Variants in MTCL1 observed in about 807,000 individuals in gnomAD.
MTCL1 encodes the protein microtubule cross-linking factor 1.
MTCL1 carries 79 observed loss-of-function variants against 141.4 expected under a neutral mutation model. The ratio of observed to expected loss-of-function variants is 0.56; its 90% CI spans 0.47 to 0.67. The LOEUF is 0.67. MTCL1 is among the 30% of genes least tolerant of loss of function. The probability of loss-of-function intolerance (pLI) is 0.00; values close to 1 mark genes in which losing one functional copy is unlikely to be tolerated. For synonymous variants in MTCL1, 914 were observed against 875.8 expected (o/e 1.04, Z -0.77); for missense variants, 2,177 against 2,113.9 (o/e 1.03, Z -0.59).
chr18:8,788,730 C>T (rs2075611341), intron 7 of MTCL1, among the ~76,000 whole-genome samples: 1 of 152,216 alleles, frequency 6.6e-6, no homozygotes, highest in Admixed American at 6.5e-5. Context: ...AAAGGGGCGG[C>T]CTCTCCAAGG....
intron 4 of MTCL1, among the ~76,000 whole-genome samples, chr18:8,724,824 T>A (rs12605757): frequency 0.41 from 61,694 of 151,680 alleles, 13,444 homozygotes; most frequent in Admixed American, 0.53. Flanking sequence ...CTCTATTGAT[T>A]AAAAAAAGGG....
At chr18:8,825,303 C>T (rs2076985685) in exon 15 of MTCL1, 14 of 1,541,552 alleles carry the variant, frequency 9.1e-6, no homozygotes, top group Admixed American at 4.0e-5. Context: ...CTGTACCTCC[C>T]TGGGGTTTGC....
chr18:8,767,136 A>T (rs2096463400), intron 4 of MTCL1, among the ~76,000 whole-genome samples: 2 of 152,150 alleles, frequency 1.3e-5, no homozygotes, highest in African/African-American at 2.4e-5. Context: ...GAATCATGAG[A>T]TCATGGAGCA....
intron 4 of MTCL1, among the ~76,000 whole-genome samples, chr18:8,777,027 G>A (rs1418961119): frequency 6.6e-6 from 1 of 152,166 alleles, no homozygotes; most frequent in Non-Finnish European, 1.5e-5. Flanking sequence ...GACGTCAGGA[G>A]ATTGAGACCA....
chr18:8,716,262 T>G (rs1282530891), upstream of MTCL1, among the ~76,000 whole-genome samples: 1 of 152,236 alleles, frequency 6.6e-6, no homozygotes, highest in African/African-American at 2.4e-5. Flanking sequence ...CTTTAACATC[T>G]GTTCTCCTTG....
rs1239370377 is a variant in MTCL1 at position 8,705,939 on chromosome 18, G to T, written c.279G>T (p.Ala93=). 4 of 1,090,478 alleles carry T rather than the reference G, an allele frequency of 3.7e-6. No homozygotes were observed. The highest frequency in any genetic ancestry group is 6.0e-5 in the East Asian group (1 of 16,536). 67.6% of individuals were successfully genotyped at this position (1,090,478 alleles called of 1,614,324 possible). ...CGCCCTCGCCGGGGTCCCTGGCCGCGCCCGGCCGCCTCTCTCGGCGCAGTG... is the reference window on the plus strand; with the variant it reads ...CGCCCTCGCCGGGGTCCCTGGCCGCTCCCGGCCGCCTCTCTCGGCGCAGTG... Residue 93 remains alanine, a synonymous_variant, in exon 1 of 14, where the codon GCG becomes GCT. Coordinates refer to the MTCL1 transcript ENST00000306329. This position sits in a 1 kb window ranked among gnomAD's most constrained non-coding sequence, Gnocchi z 5.2.
At chr18:8,832,029 C>G (rs961227613) in exon 17 of MTCL1, 1 of 585,454 alleles carries the variant, frequency 1.7e-6, no homozygotes, top group Admixed American at 3.2e-5. Flanking sequence ...GCTCAGAAAA[C>G]TATTTTTGTC....
chr18:8,726,958 C>T (rs1271012318), intron 4 of MTCL1, among the ~76,000 whole-genome samples: 1 of 152,164 alleles, frequency 6.6e-6, no homozygotes. Flanking sequence ...CGCCCATTCT[C>T]CCCGCTTAAG....
At chr18:8,744,793 TG>T (rs1459891870) in intron 4 of MTCL1, among the ~76,000 whole-genome samples, 1 of 152,128 alleles carries the variant, frequency 6.6e-6, no homozygotes, top group African/African-American at 2.4e-5. Context: ...ACTCACCTGG[TG>T]GTTTTCTTCT....
chr18:8,807,319 A>G (rs2076334752), intron 11 of MTCL1, among the ~76,000 whole-genome samples: 1 of 152,184 alleles, frequency 6.6e-6, no homozygotes, highest in Non-Finnish European at 1.5e-5. Context: ...GCATTAAACA[A>G]GCTTGTATTT....
intron 4 of MTCL1, among the ~76,000 whole-genome samples, chr18:8,772,426 T>C (rs967071057): frequency 5.9e-5 from 9 of 152,114 alleles, no homozygotes; most frequent in Admixed American, 2.0e-4. Context: ...TGACCTTTTT[T>C]TTTCCATTTT....
At chr18:8,762,093 T>C (rs2096435243) in intron 4 of MTCL1, among the ~76,000 whole-genome samples, 1 of 152,216 alleles carries the variant, frequency 6.6e-6, no homozygotes, top group African/African-American at 2.4e-5. Flanking sequence ...GATGAACACA[T>C]GGGTTATTTC....
intron 4 of MTCL1, among the ~76,000 whole-genome samples, chr18:8,734,124 C>T (rs2148880479): frequency 6.6e-6 from 1 of 152,058 alleles, no homozygotes; most frequent in East Asian, 1.9e-4. Flanking sequence ...TAGACTGGGT[C>T]CTGCTTCGTT....
exon 15 of MTCL1, chr18:8,824,892 G>A (rs2076965072): frequency 1.9e-6 from 3 of 1,613,758 alleles, no homozygotes; most frequent in Non-Finnish European, 2.5e-6. Context: ...CAATGGTGGG[G>A]GGCCGGACCT....
chr18:8,731,593 T>C (rs1488868632), intron 4 of MTCL1, among the ~76,000 whole-genome samples: 1 of 152,128 alleles, frequency 6.6e-6, no homozygotes, highest in Non-Finnish European at 1.5e-5. Context: ...AAATAATAAT[T>C]AAAATATAGA....
intron 4 of MTCL1, among the ~76,000 whole-genome samples, chr18:8,762,921 A>T (rs1316908280): frequency 1.3e-5 from 2 of 152,186 alleles, no homozygotes; most frequent in Non-Finnish European, 2.9e-5. Context: ...CTGTTGTTAC[A>T]GTGGCTGTTT....
In MTCL1 at chr18:8,828,700, C is replaced by T. The variant is rs2077102042; in HGVS notation, c.4723-208C>T. On this transcript the variant is annotated intron_variant, in intron 15 of 16. Transcript: ENST00000359865. The surrounding 1 kb of genome is among the most constrained non-coding windows in gnomAD (Gnocchi z 5.2). ...GATGGCAGAGGGCAGGCCTGTGTGC[C>T]TAGTGCCTGGCCACTTCCCCACACC... Among the ~76,000 whole-genome samples, 1 of 152,178 alleles carries T rather than the reference C, an allele frequency of 6.6e-6. No individual in the cohort carries two copies. The highest frequency in any genetic ancestry group is 2.1e-4 in the South Asian group (1 of 4,826).
At chr18:8,714,056 T>C (rs2096111258), upstream of MTCL1, among the ~76,000 whole-genome samples, 1 of 152,244 alleles carries the variant, frequency 6.6e-6, no homozygotes, top group Non-Finnish European at 1.5e-5. Context: ...GAGCTGTAAA[T>C]GTTAGGCTGC....
chr18:8,713,551 C>G (rs969564011), upstream of MTCL1, among the ~76,000 whole-genome samples: 13 of 152,208 alleles, frequency 8.5e-5, 1 homozygote, highest in African/African-American at 2.7e-4. Context: ...AAATCACTAT[C>G]CATCATGACC....
Sources: gnomAD v4.1 joint callset for allele counts (sites outside exome capture counted in the v4.1 genomes callset) on GRCh38, gnomAD v4.1.1 for gene constraint, Gnocchi (gnomAD v3.1) non-coding constraint, MANE v1.5 for transcripts, NCBI Gene and HGNC (gene_info 2026-07-23, HGNC 2026-07-21) for gene names.